Variants in RGS12 observed in about 807,000 individuals in gnomAD.
RGS12 encodes regulator of G-protein signaling 12.
A neutral mutation model predicts 120.1 loss-of-function variants in RGS12; 66 were observed. The ratio of observed to expected loss-of-function variants is 0.55; its 90% confidence interval spans 0.45 to 0.67. The LOEUF is 0.67. Ranked by LOEUF, RGS12 falls within the 30% of genes least tolerant of loss-of-function variation. The pLI, the probability that RGS12 is intolerant of heterozygous loss-of-function variation, is 0.00. For missense variants in RGS12, 1,859 were observed against 1,957.7 expected, an observed-to-expected ratio of 0.95 and a Z score of 0.95; for synonymous variants, 827 against 804.7, an observed-to-expected ratio of 1.03 and a Z score of -0.47.
At chr4:3,350,948 CAT>C (rs150624966) in intron 3 of RGS12, among the ~76,000 whole-genome samples, 2,748 of 151,734 alleles carry the variant, frequency 0.018, 70 homozygotes, top group African/African-American at 0.059. Flanking sequence ...AACAGAAAAA[CAT>C]AGTAATACAA....
In RGS12 at chr4:3,438,196, A is replaced by G. The variant is rs189520125; in HGVS notation, c.4115-1259A>G. 7.6e-3 allele frequency among the ~76,000 whole-genome samples: 1,151 copies of G among 151,996 alleles called. 15 individuals carry two copies. Among genetic ancestry groups the G allele is most frequent in the Non-Finnish European group, 0.012 (809 of 67,922 alleles). The stretch of plus-strand genomic sequence containing the variant: ...AGGCCTGGGGCTCCTGCCACCCCAT[A>G]GGCGCCTCAAGGCCTCCACCCTGGC... On this transcript the variant is annotated intron_variant, in intron 17 of 17. Transcript: ENST00000336727.
At chr4:3,328,693 A>G (rs759087535) in intron 2 of RGS12, among the ~76,000 whole-genome samples, 13 of 152,250 alleles carry the variant, frequency 8.5e-5, no homozygotes, top group Admixed American at 6.5e-5. Context: ...GTAGTTTTGC[A>G]GTTAGGTAGT....
chr4:3,335,730 T>C (rs1712385678), intron 2 of RGS12, among the ~76,000 whole-genome samples: 2 of 151,994 alleles, frequency 1.3e-5, no homozygotes, highest in African/African-American at 4.8e-5. Flanking sequence ...GAGGTTACAG[T>C]GAACTATGAT....
At chr4:3,342,879 C>A in intron 2 of RGS12, 58 bp from the exon 3 acceptor site, 1 of 1,167,224 alleles carries the variant, frequency 8.6e-7, no homozygotes, top group Non-Finnish European at 1.3e-6. Context: ...ATGCATTGGA[C>A]AAGACTAAAC....
At position 3,439,910 on chromosome 4, in the gene RGS12, C is replaced by A; in HGVS notation, c.*226C>A. On this transcript the variant is annotated 3_prime_UTR_variant, in exon 18 of 18. Transcript: ENST00000336727. Reference sequence around the variant, plus strand: ...TGCCCAATAAAGCATTTCTGAGGACCCAAGCGTCGGCCTGGTGCTGGGTGC... The same window carrying A: ...TGCCCAATAAAGCATTTCTGAGGACACAAGCGTCGGCCTGGTGCTGGGTGC... The A allele has an allele frequency of 2.0e-6, 1 of 495,022 alleles. No individual in the cohort carries two copies. Among genetic ancestry groups the A allele is most frequent in the East Asian group, 3.4e-5 (1 of 29,604 alleles). The allele number at this position is 495,022 out of a possible 1,614,324, so 30.7% of individuals were successfully genotyped here. A position where few individuals can be genotyped will look rare whatever the true frequency, so the allele number is the denominator to read the frequency against.
rs992934579 is a variant in RGS12 at position 3,390,332 on chromosome 4, G to A, written c.2020+3895G>A. On this transcript the variant is annotated intron_variant, in intron 4 of 17. Coordinates refer to ENST00000336727, the MANE Select transcript of RGS12 (RefSeq NM_001394154.1). The surrounding 1 kb of genome is among the most constrained non-coding windows in gnomAD (Gnocchi z 4.6). ...TCCCCCCAGCTGGTGTGACCTCCAC[G>A]TGGCAGGTCAGAGTTGTCCCGGCAC... Among the ~76,000 whole-genome samples the A allele has an allele frequency of 3.9e-5, 6 of 152,188 alleles. No individual in the cohort carries two copies. The highest frequency in any genetic ancestry group is 3.3e-4 in the Admixed American group (5 of 15,286).
At chr4:3,311,465 G>T (rs1469873186) in intron 1 of RGS12, among the ~76,000 whole-genome samples, 2 of 151,954 alleles carry the variant, frequency 1.3e-5, no homozygotes, top group Non-Finnish European at 2.9e-5. Context: ...TTGTTTTATT[G>T]TCCTCTTTAC....
At chr4:3,418,544 G>A (rs3748037) in intron 9 of RGS12, 15,291 of 152,358 alleles carry the variant, frequency 0.1, 895 homozygotes, top group East Asian at 0.28. Context: ...TCTGCGCTCC[G>A]TGGCTGCGGC....
intron 17 of RGS12, among the ~76,000 whole-genome samples, chr4:3,437,975 T>G (rs562857490): frequency 6.6e-6 from 1 of 152,284 alleles, no homozygotes; most frequent in African/African-American, 2.4e-5. Flanking sequence ...GGGACCTTGG[T>G]GGCCACGGAG....
At chr4:3,431,372 A>C in intron 17 of RGS12, 1 of 1,035,490 alleles carries the variant, frequency 9.7e-7, no homozygotes, top group Non-Finnish European at 1.2e-6. Context: ...TTGAGTGAGG[A>C]AGTGAAGCCC....
At chr4:3,422,314 G>A in intron 10 of RGS12, 62 bp from the exon 11 acceptor site, 1 of 1,510,430 alleles carries the variant, frequency 6.6e-7, no homozygotes, top group Middle Eastern at 1.7e-4. Context: ...GCTGCTCTGG[G>A]AGGTGCCCCG....
At chr4:3,307,784 T>C (rs999760557) in intron 1 of RGS12, among the ~76,000 whole-genome samples, 2 of 152,238 alleles carry the variant, frequency 1.3e-5, no homozygotes, top group Non-Finnish European at 2.9e-5. Flanking sequence ...GCAGAACTCC[T>C]TTAAGTGCCC....
At chr4:3,428,834 A>T in intron 16 of RGS12, 123 bp downstream of exon 16, 6 of 839,770 alleles carry the variant, frequency 7.1e-6, no homozygotes, top group Non-Finnish European at 1.1e-5. Context: ...TGTGGCCTGG[A>T]AGACATGTTT....
Position 3,316,704 on chromosome 4 carries a change from A to T in RGS12, c.534A>T (p.Arg178=). 6.2e-7 allele frequency: 1 copy of T among 1,614,186 alleles called. No individual in the cohort carries two copies. The highest frequency in any genetic ancestry group is 8.5e-7 in the Non-Finnish European group (1 of 1,180,032). ...CCCTTTCAGAGTCGGCCGCAACTCG[A>T]TTTGATGTTGGACATGAAAGTATAA... ...QRSLSESAAT[R]FDVGHESINN... Residue 178 remains arginine, a synonymous_variant, in exon 2 of 18, where the codon CGA becomes CGT. Transcript: ENST00000336727.
At chr4:3,333,399 A>G (rs562424438) in intron 2 of RGS12, among the ~76,000 whole-genome samples, 17 of 152,248 alleles carry the variant, frequency 1.1e-4, no homozygotes, top group African/African-American at 3.4e-4. Flanking sequence ...TGGCCTCCCA[A>G]AGTGCCGGGA....
At chr4:3,384,140 T>C (rs1414941631) in intron 3 of RGS12, among the ~76,000 whole-genome samples, 1 of 152,164 alleles carries the variant, frequency 6.6e-6, no homozygotes, top group Non-Finnish European at 1.5e-5. Context: ...ATCTCAAAGG[T>C]ATAGATTGCC....
rs1171935755 is a variant in RGS12 at position 3,317,495 on chromosome 4, A to C, written c.1325A>C (p.Asp442Ala). Residue 442 changes from aspartate to alanine, a missense_variant, in exon 2 of 18, where the codon GAC (aspartate) becomes GCC (alanine). This residue lies in a region of RGS12 where 967 missense variants were observed against 994.2 expected (regional missense o/e 0.97). Transcript: ENST00000336727. Reference protein sequence around the residue: ...EEKSNRVLVVDLGGSSSRHGP... With the variant: ...EEKSNRVLVVALGGSSSRHGP... The stretch of plus-strand genomic sequence containing the variant: ...AAGAGCAACCGGGTCCTTGTGGTGG[A>C]CCTGGGTGGGAGCTCGAGCAGACAC... 6.2e-7 allele frequency: 1 copy of C among 1,613,356 alleles called. No individual in the cohort carries two copies. The highest frequency in any genetic ancestry group is 1.3e-5 in the African/African-American group (1 of 74,914).
At chr4:3,424,839 C>A (rs371159066) in intron 13 of RGS12, among the ~76,000 whole-genome samples, 2 of 152,250 alleles carry the variant, frequency 1.3e-5, no homozygotes, top group South Asian at 4.1e-4. Context: ...GCTTCCCCCG[C>A]AGGGCCCACC....
At chr4:3,311,921 C>T (rs540395698) in intron 1 of RGS12, among the ~76,000 whole-genome samples, 11 of 152,318 alleles carry the variant, frequency 7.2e-5, no homozygotes, top group Non-Finnish European at 1.3e-4. Flanking sequence ...TGTCACATCC[C>T]ATCTGTGCCT....
Sources: gnomAD v4.1 joint callset for allele counts (sites outside exome capture counted in the v4.1 genomes callset) on GRCh38, gnomAD v4.1.1 for gene constraint, gnomAD v4.1.1 regional missense constraint, Gnocchi (gnomAD v3.1) non-coding constraint, MANE v1.5 for transcripts, NCBI Gene and HGNC (gene_info 2026-07-23, HGNC 2026-07-21) for gene names.